Variants in ELMO1 observed in about 807,000 individuals in gnomAD.
ELMO1 encodes engulfment and cell motility protein 1.
In ELMO1, 26 loss-of-function variants were observed where a neutral mutation model predicts 98.9. The observed-to-expected ratio is 0.26, with a 90% CI of 0.19 to 0.36. The LOEUF (loss-of-function observed/expected upper bound fraction) is 0.36, where lower values mean the gene tolerates loss of function less well. Ranked by LOEUF, ELMO1 falls within the 10% of genes least tolerant of loss-of-function variation. The pLI is 1.00. For synonymous variants in ELMO1, 346 were observed against 346.0 expected, an observed-to-expected ratio of 1.00 and a Z score of 0.00; for missense variants, 627 against 935.2, an observed-to-expected ratio of 0.67 and a Z score of 4.30.
At chr7:37,039,030 C>T (rs1050136417) in intron 15 of ELMO1, among the ~76,000 whole-genome samples, 4 of 152,134 alleles carry the variant, frequency 2.6e-5, no homozygotes, top group Non-Finnish European at 5.9e-5. Context: ...GGAGGACACA[C>T]TTAAGTTAGT....
At chr7:36,958,841 C>T (rs1286738496) in intron 16 of ELMO1, among the ~76,000 whole-genome samples, 1 of 151,950 alleles carries the variant, frequency 6.6e-6, no homozygotes, top group Non-Finnish European at 1.5e-5. Flanking sequence ...TCTCCACTCA[C>T]TCCCTAGGTG....
intron 1 of ELMO1, among the ~76,000 whole-genome samples, chr7:37,447,602 C>T (rs1365148342): frequency 6.6e-6 from 1 of 150,490 alleles, no homozygotes; most frequent in Non-Finnish European, 1.5e-5. Context: ...TGTGCGGTCA[C>T]ACACACACAC....
At position 36,861,659 on chromosome 7, in the gene ELMO1, C is replaced by T. The variant is rs1802640325; in HGVS notation, c.1983G>A (p.Glu661=). The change falls in exon 21 of 22, where the codon GAG becomes GAA. Residue 661 remains glutamate, a splice_region_variant and synonymous_variant. Transcript: ENST00000310758. ...QLNFIAPDKH[E]YCIWTDGLNA... is the part of the protein sequence containing the mutation. Reference sequence around the variant, plus strand: ...AAATTATCACCCCCGAGACCCTTACCTCATGCTTGTCAGGAGCGATGAAGT... The same window carrying T: ...AAATTATCACCCCCGAGACCCTTACTTCATGCTTGTCAGGAGCGATGAAGT... 1.9e-6 allele frequency: 3 copies of T among 1,612,910 alleles called. No homozygotes were observed. The highest frequency in any genetic ancestry group is 1.7e-6 in the Non-Finnish European group (2 of 1,179,636).
chr7:37,424,869 T>TTAA (rs202107297), intron 1 of ELMO1, among the ~76,000 whole-genome samples: 45 of 150,716 alleles, frequency 3.0e-4, no homozygotes, highest in Admixed American at 1.3e-3. Context: ...TTATATATTT[T>TTAA]TAATAATAAT....
intron 2 of ELMO1, among the ~76,000 whole-genome samples, chr7:37,335,255 G>A (rs1370337102): frequency 6.6e-6 from 1 of 152,234 alleles, no homozygotes; most frequent in Non-Finnish European, 1.5e-5. Flanking sequence ...GCTCTCTGCA[G>A]TGCTTAGCAA....
At chr7:37,096,365 CATG>C (rs1480198944) in intron 15 of ELMO1, among the ~76,000 whole-genome samples, 3 of 152,106 alleles carry the variant, frequency 2.0e-5, no homozygotes, top group Non-Finnish European at 2.9e-5. Flanking sequence ...TACTCATTTT[CATG>C]ATATTTGAAA....
intron 15 of ELMO1, among the ~76,000 whole-genome samples, chr7:37,042,253 G>A (rs547573236): frequency 6.6e-6 from 1 of 150,754 alleles, no homozygotes; most frequent in African/African-American, 2.4e-5. Flanking sequence ...AAGAGTGAGT[G>A]TTACATATGC....
chr7:37,431,825 T>C (rs1184000653), intron 1 of ELMO1, among the ~76,000 whole-genome samples: 5 of 151,988 alleles, frequency 3.3e-5, no homozygotes, highest in African/African-American at 9.7e-5. Context: ...CCTCAGTTAG[T>C]AGGGACTTAT....
At chr7:37,188,522 T>TAAA (rs1791384046) in intron 13 of ELMO1, among the ~76,000 whole-genome samples, 1 of 129,408 alleles carries the variant, frequency 7.7e-6, no homozygotes, top group South Asian at 2.4e-4. Context: ...ATAATAATAA[T>TAAA]AATAACTAAG....
intron 1 of ELMO1, among the ~76,000 whole-genome samples, chr7:37,427,548 T>A (rs117533343): frequency 0.022 from 3,350 of 152,304 alleles, 60 homozygotes; most frequent in Non-Finnish European, 0.034. Flanking sequence ...TTTAGATTAG[T>A]CATAAATAAA....
At chr7:37,356,643 G>A (rs1801509776) in intron 1 of ELMO1, among the ~76,000 whole-genome samples, 1 of 151,796 alleles carries the variant, frequency 6.6e-6, no homozygotes, top group Non-Finnish European at 1.5e-5. Context: ...ATGGAATTAC[G>A]AGAAATACCT....
At chr7:36,864,423 T>C (rs1266977025) in intron 20 of ELMO1, among the ~76,000 whole-genome samples, 1 of 152,198 alleles carries the variant, frequency 6.6e-6, no homozygotes, top group African/African-American at 2.4e-5. Flanking sequence ...ATTCCCACTT[T>C]AATTTCACCA....
At chr7:36,856,045 G>C (rs1284581122) in intron 21 of ELMO1, among the ~76,000 whole-genome samples, 1 of 152,218 alleles carries the variant, frequency 6.6e-6, no homozygotes, top group African/African-American at 2.4e-5. Context: ...TGCAAAGAAT[G>C]CTTCTCTGTA....
At chr7:37,420,315 G>C (rs9918726) in intron 1 of ELMO1, among the ~76,000 whole-genome samples, 34,805 of 152,206 alleles carry the variant, frequency 0.23, 4,220 homozygotes, top group East Asian at 0.41. Flanking sequence ...TTTATACTTG[G>C]ACATTAGGAG....
At chr7:37,114,163 G>A (rs1241330850) in intron 14 of ELMO1, among the ~76,000 whole-genome samples, 1 of 152,222 alleles carries the variant, frequency 6.6e-6, no homozygotes, top group Admixed American at 6.5e-5. Flanking sequence ...GATGTGATCT[G>A]ACCAATACTG....
At chr7:37,253,584 A>T (rs1313780578) in intron 6 of ELMO1, among the ~76,000 whole-genome samples, 1 of 152,102 alleles carries the variant, frequency 6.6e-6, no homozygotes, top group East Asian at 1.9e-4. Context: ...TCAGAGGGTG[A>T]GAGGCTAGGG....
intron 4 of ELMO1, among the ~76,000 whole-genome samples, chr7:37,296,772 T>G (rs1478122486): frequency 6.6e-6 from 1 of 152,250 alleles, no homozygotes; most frequent in Non-Finnish European, 1.5e-5. Context: ...GATATTTATT[T>G]CATCATGTAA....
chr7:37,265,634 G>A (rs528909837), intron 5 of ELMO1, among the ~76,000 whole-genome samples: 2 of 152,006 alleles, frequency 1.3e-5, no homozygotes, highest in Non-Finnish European at 1.5e-5. Context: ...CACCCTCATC[G>A]CATCATCTTT....
At chr7:37,014,339 AG>A (rs1418064571) in intron 15 of ELMO1, among the ~76,000 whole-genome samples, 2 of 152,140 alleles carry the variant, frequency 1.3e-5, no homozygotes, top group Non-Finnish European at 1.5e-5. Context: ...TGTGACCCCC[AG>A]AACCAATACC....
Sources: gnomAD v4.1 joint callset for allele counts (sites outside exome capture counted in the v4.1 genomes callset) on GRCh38, gnomAD v4.1.1 for gene constraint, MANE v1.5 for transcripts, NCBI Gene and HGNC (gene_info 2026-07-23, HGNC 2026-07-21) for gene names.